RAVER1: variants seen among roughly 807,000 people sequenced by gnomAD.
The protein encoded by RAVER1 is ribonucleoprotein PTB-binding 1.
Under a neutral mutation model 68.4 loss-of-function variants are expected in RAVER1, and 36 were observed. The ratio of observed to expected loss-of-function variants is 0.53; its 90% CI spans 0.40 to 0.70. RAVER1 has a LOEUF of 0.70. RAVER1 is among the 30% of genes least tolerant of loss of function. The pLI, the probability that RAVER1 is intolerant of heterozygous loss-of-function variation, is 0.00. For missense variants in RAVER1, 933 were observed against 1,019.8 expected (o/e 0.91, Z 1.16); for synonymous variants, 469 against 472.7 (o/e 0.99, Z 0.10).
intron 3 of RAVER1, among the ~76,000 whole-genome samples, chr19:10,324,803 A>G (rs1428808259): frequency 6.6e-6 from 1 of 152,042 alleles, no homozygotes; most frequent in Non-Finnish European, 1.5e-5. Flanking sequence ...TGTCAAGCCC[A>G]CCCTCCATTC....
At chr19:10,326,527 C>T (rs935011575) in intron 3 of RAVER1, among the ~76,000 whole-genome samples, 2 of 152,216 alleles carry the variant, frequency 1.3e-5, no homozygotes, top group Non-Finnish European at 2.9e-5. Context: ...TAACCGCAAC[C>T]GCAGTCTTCT....
chr19:10,320,467 G>A (rs2040427420), intron 9 of RAVER1, among the ~76,000 whole-genome samples, 188 bp downstream of exon 9: 1 of 146,292 alleles, frequency 6.8e-6, no homozygotes, highest in African/African-American at 2.6e-5. Context: ...TCGCACCACT[G>A]CACTCCAGCC....
chr19:10,331,393 C>CAAAAAAA lies in RAVER1; in HGVS notation c.220-874_220-868dup, dbSNP rs1171709414. On this transcript the variant is annotated intron_variant, in intron 1 of 12. Transcript: ENST00000617231. ...AAAAAAAAAAAAAAAATAACAACAA[C>CAAAAAAA]AAAAAAAAAAAAAAAAAAAGAGGCC... Among the ~76,000 whole-genome samples, 26 of 48,512 alleles carry CAAAAAAA rather than the reference C, an allele frequency of 5.4e-4. 1 individual carries two copies. Among genetic ancestry groups the CAAAAAAA allele is most frequent in the African/African-American group, 8.3e-4 (9 of 10,802 alleles). 31.8% of individuals were successfully genotyped at this position (48,512 alleles called of 152,430 possible).
Position 10,328,980 on chromosome 19 carries a change from G to A in RAVER1, c.418C>T (p.Pro140Ser), listed in dbSNP as rs755758711. Residue 140 changes from proline to serine, a missense_variant, in exon 3 of 13, where the codon CCC (proline) becomes TCC (serine). By Grantham distance (74) the Pro-to-Ser change is moderately conservative. Coordinates refer to ENST00000617231, the MANE Select transcript of RAVER1 (RefSeq NM_133452.3). The surrounding 1 kb of genome is among the most constrained non-coding windows in gnomAD (Gnocchi z 4.4). ...AACTGCTGCTGTGTGAGGCTGGGGG[G>A]CAGGTTGGCCACACACAGCAGGGCA... ...TDALLCVANL[P>S]PSLTQQQFEE... 16 of 1,595,778 alleles carry A rather than the reference G, an allele frequency of 1.0e-5. No homozygotes were observed. Among genetic ancestry groups the A allele is most frequent in the African/African-American group, 5.4e-5 (4 of 74,640 alleles).
At position 10,322,726 on chromosome 19, in the gene RAVER1, G is replaced by C; in HGVS notation, c.1092C>G (p.Ala364=). ...SAGGKQGLLG[A]PPAMPLLNGP... ...CATTGAGCAGCGGCATGGCTGGGGG[G>C]GCACCCAGGAGGCCTGGAGGGAGAC... Residue 364 remains alanine, a synonymous_variant, in exon 6 of 13, where the codon GCC becomes GCG. Transcript: ENST00000617231. This position sits in a 1 kb window ranked among gnomAD's most constrained non-coding sequence, Gnocchi z 4.3. 1 of 1,510,508 alleles carries C rather than the reference G, an allele frequency of 6.6e-7. No individual in the cohort carries two copies. The highest frequency in any genetic ancestry group is 8.8e-7 in the Non-Finnish European group (1 of 1,139,394). 93.6% of individuals were successfully genotyped at this position (1,510,508 alleles called of 1,614,324 possible). A position where few individuals can be genotyped will look rare whatever the true frequency, so the allele number is the denominator to read the frequency against.
intron 6 of RAVER1, 57 bp from the exon 7 acceptor site, chr19:10,321,675 CA>C: frequency 7.6e-7 from 1 of 1,323,788 alleles, no homozygotes; most frequent in Non-Finnish European, 9.8e-7. Flanking sequence ...GGGAAGCAGA[CA>C]GGTGTGGCCC....
In RAVER1 at chr19:10,317,524, A is replaced by C. The variant is rs1327758704; in HGVS notation, c.2150T>G (p.Val717Gly). 6.2e-7 allele frequency: 1 copy of C among 1,613,640 alleles called. No individual in the cohort carries two copies. The highest frequency in any genetic ancestry group is 1.7e-5 in the Admixed American group (1 of 60,010). Residue 717 changes from valine (V) to glycine (G), a missense_variant, in exon 13 of 13, where the codon GTG becomes GGG. Val to Gly is a moderately radical substitution (Grantham distance 109). Transcript: ENST00000617231. This position sits in a 1 kb window ranked among gnomAD's most constrained non-coding sequence, Gnocchi z 4.3. ...SPEPSPEGSY[V>G]GQHSQGLGGH... ...GCCGAGGCCCTGGGAGTGCTGGCCC[A>C]CATAGCTGCCTTCTGGGCTGGGCTC...
rs1015690639 is a variant in RAVER1, at chr19:10,322,584, C to G, written c.1173+61G>C. The G allele has an allele frequency of 3.3e-6, 4 of 1,214,016 alleles. No individual in the cohort carries two copies. The highest frequency in any genetic ancestry group is 6.2e-5 in the Admixed American group (2 of 32,414). 75.2% of individuals were successfully genotyped at this position (1,214,016 alleles called of 1,614,324 possible). A position where few individuals can be genotyped will look rare whatever the true frequency, so the allele number is the denominator to read the frequency against. On this transcript the variant is annotated intron_variant, in intron 6 of 12. Coordinates refer to ENST00000617231, the MANE Select transcript of RAVER1 (RefSeq NM_133452.3). The surrounding 1 kb of genome is among the most constrained non-coding windows in gnomAD (Gnocchi z 4.3). Reference sequence around the variant, plus strand: ...CCCCCCACCCCACCGATCGCACCAGCTGTGTTGAAAAGAGCCTGTAGGGGC... The same window carrying G: ...CCCCCCACCCCACCGATCGCACCAGGTGTGTTGAAAAGAGCCTGTAGGGGC...
At chr19:10,331,684 CAAAAAAAA>C (rs61614587) in intron 1 of RAVER1, among the ~76,000 whole-genome samples, 3 of 73,286 alleles carry the variant, frequency 4.1e-5, no homozygotes, top group African/African-American at 1.7e-4. Context: ...GACTCCGTCT[CAAAAAAAA>C]AAAAAAAAAA....
Position 10,328,147 on chromosome 19 carries a change from G to T in RAVER1, c.756+495C>A, listed in dbSNP as rs796192025. On this transcript the variant is annotated intron_variant, in intron 3 of 12. Transcript: ENST00000617231. This position sits in a 1 kb window ranked among gnomAD's most constrained non-coding sequence, Gnocchi z 4.4. ...GGTCCAGGTCTGGGACCCCATGGGA[G>T]GTTTGACGAGGGTACCAGCGAATGA... Among the ~76,000 whole-genome samples the T allele has an allele frequency of 3.3e-5, 5 of 152,290 alleles. No individual in the cohort carries two copies. The highest frequency in any genetic ancestry group is 9.6e-5 in the African/African-American group (4 of 41,560).
At position 10,333,267 on chromosome 19, in the gene RAVER1, C is replaced by T. The variant is rs1469538045; in HGVS notation, c.219+22G>A. 3.1e-6 allele frequency: 5 copies of T among 1,607,828 alleles called. No individual in the cohort carries two copies. The highest frequency in any genetic ancestry group is 4.3e-6 in the Non-Finnish European group (5 of 1,175,758). ...GCACCGTGGTATTTCCCGCCACGCT[C>T]CTACACCGCCCCCCCCAATACCTGG... On this transcript the variant is annotated intron_variant, in intron 1 of 12. Transcript: ENST00000617231. The surrounding 1 kb of genome is among the most constrained non-coding windows in gnomAD (Gnocchi z 4.2).
rs769269288 is a variant in RAVER1, at chr19:10,329,085, G to C, written c.313C>G (p.Gln105Glu). 2 of 1,496,838 alleles carry C rather than the reference G, an allele frequency of 1.3e-6. No homozygotes were observed. The highest frequency in any genetic ancestry group is 1.8e-6 in the Non-Finnish European group (2 of 1,120,974). 92.7% of individuals were successfully genotyped at this position (1,496,838 alleles called of 1,614,324 possible). Residue 105 changes from glutamine to glutamate, a missense_variant, in exon 3 of 13, where the codon CAG (glutamine) becomes GAG (glutamate). Physicochemically the swap from Gln to Glu is conservative, Grantham distance 29. Around this residue, in one of 3 missense-constraint regions of RAVER1, gnomAD observed 211 missense variants for 230.0 expected, o/e 0.92. Coordinates refer to ENST00000617231, the MANE Select transcript of RAVER1 (RefSeq NM_133452.3). This position sits in a 1 kb window ranked among gnomAD's most constrained non-coding sequence, Gnocchi z 4.6. ...TAFVTLLNGEQAEAAINAFHQ... is the reference protein window; with the variant it reads ...TAFVTLLNGEEAEAAINAFHQ... ...AAAGCATTGATTGCGGCCTCGGCCT[G>C]CTCCCCATTCAGCAGGGTCACGAAG...
chr19:10,323,243 T>C lies in RAVER1; in HGVS notation c.980A>G (p.Glu327Gly). The change falls in exon 5 of 13, where the codon GAG becomes GGG. Residue 327 changes from glutamate (E) to glycine (G), a missense_variant. Transcript: ENST00000617231. The surrounding 1 kb of genome is among the most constrained non-coding windows in gnomAD (Gnocchi z 6.2). ...GTTGAGCAGCTGCAGGATGTTGGGC[T>C]CGGGGAGGAGTCCCTTCCCCCGATT... is the stretch of plus-strand genomic sequence containing the variant. The part of the protein sequence containing the change: ...ALNRGKGLLP[E>G]PNILQLLNNL... The C allele has an allele frequency of 6.2e-7, 1 of 1,613,278 alleles. No individual in the cohort carries two copies. Among genetic ancestry groups the C allele is most frequent in the South Asian group, 1.1e-5 (1 of 91,056 alleles).
chr19:10,317,342 T>G lies in RAVER1; in HGVS notation c.*112A>C. The G allele has an allele frequency of 2.4e-6, 3 of 1,236,244 alleles. No homozygotes were observed. The highest frequency in any genetic ancestry group is 3.5e-6 in the Non-Finnish European group (3 of 855,398). 76.6% of individuals were successfully genotyped at this position (1,236,244 alleles called of 1,614,324 possible). On this transcript the variant is annotated 3_prime_UTR_variant, in exon 13 of 13. Coordinates refer to ENST00000617231, the MANE Select transcript of RAVER1 (RefSeq NM_133452.3). This position sits in a 1 kb window ranked among gnomAD's most constrained non-coding sequence, Gnocchi z 4.3. ...ATTGGTCAGTAAAGTCTTTCAGAGA[T>G]TTTTCTATTACCGAAAGAGAGAAAA...
At position 10,329,184 on chromosome 19, in the gene RAVER1, A is replaced by C. The variant is rs1033905031; in HGVS notation, c.287-73T>G. ...TGCCCCTCCACCCCGCCACCCTGCA[A>C]ACCAGGTGGGACCTCCAAATGCTGG... On this transcript the variant is annotated intron_variant, in intron 2 of 12. Transcript: ENST00000617231. The surrounding 1 kb of genome is among the most constrained non-coding windows in gnomAD (Gnocchi z 4.6). 4 of 957,846 alleles carry C rather than the reference A, an allele frequency of 4.2e-6. No individual in the cohort carries two copies. Among genetic ancestry groups the C allele is most frequent in the Admixed American group, 3.0e-5 (1 of 33,238 alleles). 59.3% of individuals were successfully genotyped at this position (957,846 alleles called of 1,614,324 possible). A position where few individuals can be genotyped will look rare whatever the true frequency, so the allele number is the denominator to read the frequency against.
At position 10,320,872 on chromosome 19, in the gene RAVER1, G is replaced by T; in HGVS notation, c.1553C>A (p.Ala518Asp). The T allele has an allele frequency of 6.6e-7, 1 of 1,512,170 alleles. No individual in the cohort carries two copies. The highest frequency in any genetic ancestry group is 1.3e-5 in the South Asian group (1 of 74,998). The allele number at this position is 1,512,170 out of a possible 1,614,324, so 93.7% of individuals were successfully genotyped here. A position where few individuals can be genotyped will look rare whatever the true frequency, so the allele number is the denominator to read the frequency against. The change falls in exon 9 of 13, where the codon GCC becomes GAC. Residue 518 changes from alanine (A) to aspartate (D), a missense_variant. Around this residue, in one of 3 missense-constraint regions of RAVER1, gnomAD observed 699 missense variants for 731.1 expected, o/e 0.96. Coordinates refer to ENST00000617231, the MANE Select transcript of RAVER1 (RefSeq NM_133452.3). ...GGCCTCCTTACCCGCCAGGTTGCTG[G>T]CCGGGAGCAGGCTGTGTAGGTTCAG... The part of the protein sequence containing the change: ...PYLNLHSLLP[A>D]SNLAGKEARG...
Position 10,317,052 on chromosome 19 carries a change from T to TAA in RAVER1, c.*400_*401dup, listed in dbSNP as rs71297583. On this transcript the variant is annotated 3_prime_UTR_variant, in exon 13 of 13. Transcript: ENST00000617231. This position sits in a 1 kb window ranked among gnomAD's most constrained non-coding sequence, Gnocchi z 4.3. ...GGAAACAGAAGTCAGTTGTCAAAGTTAAAAAAAAAGGAGACAGTCTCTGTA... is the reference window on the plus strand; with the variant it reads ...GGAAACAGAAGTCAGTTGTCAAAGTTAAAAAAAAAAAGGAGACAGTCTCTGTA... 4.8e-3 allele frequency: 1,039 copies of TAA among 216,940 alleles called. 17 individuals carry two copies. The highest frequency in any genetic ancestry group is 0.041 in the East Asian group (241 of 5,848). 13.4% of individuals were successfully genotyped at this position (216,940 alleles called of 1,614,324 possible).
intron 6 of RAVER1, 116 bp from the exon 7 acceptor site, chr19:10,321,734 G>GCCTGTCTGCC: frequency 1.4e-6 from 1 of 734,966 alleles, no homozygotes; most frequent in Non-Finnish European, 2.0e-6. Flanking sequence ...CCGATCCTGG[G>GCCTGTCTGCC]CAGACAGGCA....
intron 3 of RAVER1, among the ~76,000 whole-genome samples, chr19:10,327,148 C>T (rs956453596): frequency 4.6e-5 from 7 of 152,078 alleles, no homozygotes; most frequent in African/African-American, 1.7e-4. Flanking sequence ...TCGAGTGATC[C>T]TCCTGCCTCT....
Sources: gnomAD v4.1 joint callset for allele counts (sites outside exome capture counted in the v4.1 genomes callset) on GRCh38, gnomAD v4.1.1 for gene constraint, gnomAD v4.1.1 regional missense constraint, Gnocchi (gnomAD v3.1) non-coding constraint, MANE v1.5 for transcripts, NCBI Gene and HGNC (gene_info 2026-07-23, HGNC 2026-07-21) for gene names.